The following SYN3 variants were observed in gnomAD, a reference collection of about 807,000 sequenced individuals.
The protein encoded by SYN3 is synapsin-3.
In SYN3, 35 loss-of-function variants were observed where a neutral mutation model predicts 65.8. The observed-to-expected ratio is 0.53, with a 90% CI of 0.41 to 0.70. The LOEUF is 0.70. SYN3 is among the 30% of genes least tolerant of loss of function. The pLI is 0.00. For missense variants in SYN3, 680 were observed against 749.0 expected, an observed-to-expected ratio of 0.91 and a Z score of 1.08; for synonymous variants, 270 against 292.9, an observed-to-expected ratio of 0.92 and a Z score of 0.80.
At chr22:32,723,941 G>A (rs1467756609) in intron 6 of SYN3, among the ~76,000 whole-genome samples, 6 of 152,314 alleles carry the variant, frequency 3.9e-5, no homozygotes, top group African/African-American at 1.2e-4. Flanking sequence ...CAAATGCCAC[G>A]TCTTGTGGGC....
At chr22:32,705,441 T>C (rs1467215474) in intron 6 of SYN3, among the ~76,000 whole-genome samples, 1 of 151,300 alleles carries the variant, frequency 6.6e-6, no homozygotes, top group African/African-American at 2.4e-5. Flanking sequence ...AGTACCATGC[T>C]GTTTTGGCTA....
rs1230612078 is a variant in SYN3, at chr22:33,050,490, A to C, written c.-163+7802T>G. Among the ~76,000 whole-genome samples the C allele has an allele frequency of 9.4e-4, 142 of 151,650 alleles. 1 individual carries two copies. The highest frequency in any genetic ancestry group is 4.4e-4 in the Non-Finnish European group (30 of 67,912). Reference sequence around the variant, plus strand: ...GAGCGAGACTGTTTCAAAAAAAAAAAAAAAAAAAACAAAACAAAGCAAAAC... The same window carrying C: ...GAGCGAGACTGTTTCAAAAAAAAAACAAAAAAAAACAAAACAAAGCAAAAC... On this transcript the variant is annotated intron_variant, in intron 1 of 13. Transcript: ENST00000358763.
rs1601676878 is a variant in SYN3, at chr22:32,911,047, TCACA to T, written c.461+20339_461+20342del. On this transcript the variant is annotated intron_variant, in intron 4 of 13. Coordinates refer to ENST00000358763, the MANE Select transcript of SYN3 (RefSeq NM_003490.4). ...ACTGCTTTGCTCTTGACCCAAGAAG[TCACA>T]CACAGACATAGGGTCATAGCAATTT... 2.0e-5 allele frequency among the ~76,000 whole-genome samples: 3 copies of T among 152,290 alleles called. 1 individual carries two copies.
chr22:32,689,135 A>G (rs1421381046), intron 6 of SYN3, among the ~76,000 whole-genome samples: 1 of 152,190 alleles, frequency 6.6e-6, no homozygotes, highest in Non-Finnish European at 1.5e-5. Flanking sequence ...TACATTGAAG[A>G]CTACAGTGAT....
chr22:32,738,593 C>T (rs2061362895), intron 6 of SYN3, among the ~76,000 whole-genome samples: 2 of 152,192 alleles, frequency 1.3e-5, no homozygotes, highest in Admixed American at 6.5e-5. Context: ...ACATCCTGGG[C>T]TCCCACTTGA....
At chr22:32,514,696 A>G (rs895660793) in intron 13 of SYN3, 2 of 152,270 alleles carry the variant, frequency 1.3e-5, no homozygotes, top group Admixed American at 1.3e-4. Flanking sequence ...AGAGCTCTGC[A>G]TGTGATGCTG....
intron 6 of SYN3, among the ~76,000 whole-genome samples, chr22:32,655,870 G>C (rs2060135513): frequency 1.3e-5 from 2 of 152,172 alleles, no homozygotes; most frequent in South Asian, 4.1e-4. Context: ...TCCCTGGTCA[G>C]TGGAAAAATT....
At chr22:32,615,518 C>T (rs1043234262) in intron 6 of SYN3, among the ~76,000 whole-genome samples, 12 of 151,212 alleles carry the variant, frequency 7.9e-5, no homozygotes, top group Admixed American at 1.3e-4. Flanking sequence ...GGCACAGGGT[C>T]GCAGTAAGTG....
intron 3 of SYN3, among the ~76,000 whole-genome samples, chr22:32,954,494 G>A (rs539464819): frequency 5.3e-5 from 8 of 152,304 alleles, no homozygotes; most frequent in Non-Finnish European, 8.8e-5. Flanking sequence ...TGACATTTAC[G>A]TCCCATTGCT....
chr22:32,805,300 G>C (rs62232904), intron 6 of SYN3, among the ~76,000 whole-genome samples: 22,348 of 152,086 alleles, frequency 0.15, 1,978 homozygotes, highest in African/African-American at 0.26. Context: ...TTCTGACAGG[G>C]GCCAGTGCCA....
chr22:32,833,053 T>C (rs1351665722), intron 6 of SYN3, among the ~76,000 whole-genome samples: 2 of 152,180 alleles, frequency 1.3e-5, no homozygotes, highest in Non-Finnish European at 2.9e-5. Context: ...TCTTAACACA[T>C]TTTTTAACAC....
intron 6 of SYN3, among the ~76,000 whole-genome samples, chr22:32,705,991 T>TCA (rs2060875647): frequency 1.3e-5 from 2 of 152,360 alleles, no homozygotes; most frequent in East Asian, 3.9e-4. Flanking sequence ...AGGTATAGAA[T>TCA]CACATCAATG....
rs1464796804 is a variant in SYN3 at position 32,980,710 on chromosome 22, G to C, written c.312-8C>G. ...CCATGGAAATACTTCGACCTGTAAA[G>C]GGGAAGAAATCAGCTGAGTAAGGAT... On this transcript the variant is annotated splice_polypyrimidine_tract_variant and splice_region_variant and intron_variant, in intron 2 of 13. Coordinates refer to ENST00000358763, the MANE Select transcript of SYN3 (RefSeq NM_003490.4). The C allele has an allele frequency of 1.2e-6, 2 of 1,613,566 alleles. No homozygotes were observed.
intron 1 of SYN3, among the ~76,000 whole-genome samples, chr22:33,046,446 G>A (rs2145955873): frequency 6.6e-6 from 1 of 152,298 alleles, no homozygotes; most frequent in Middle Eastern, 3.4e-3. Flanking sequence ...CTGGCTGTGT[G>A]CAGTGGCTCA....
chr22:32,862,229 T>C (rs1366780271), intron 6 of SYN3: 2 of 152,224 alleles, frequency 1.3e-5, no homozygotes, highest in Non-Finnish European at 2.9e-5. Context: ...TCCAGGGCCA[T>C]GGGAGATACA....
At position 32,786,961 on chromosome 22, in the gene SYN3, G is replaced by A. The variant is rs542790922; in HGVS notation, c.711+77954C>T. On this transcript the variant is annotated intron_variant, in intron 6 of 13. Coordinates refer to ENST00000358763, the MANE Select transcript of SYN3 (RefSeq NM_003490.4). ...TCATCAGGGAGGCAGTGTTCAACACGGATAGGACCAGTGATGATACTCTGT... is the reference window on the plus strand; with the variant it reads ...TCATCAGGGAGGCAGTGTTCAACACAGATAGGACCAGTGATGATACTCTGT... Among the ~76,000 whole-genome samples the A allele has an allele frequency of 5.9e-5, 9 of 152,134 alleles. No individual in the cohort carries two copies. The South Asian group carries it at 6.2e-4, about 11-fold the overall frequency.
chr22:32,663,201 T>A (rs1215640830), intron 6 of SYN3, among the ~76,000 whole-genome samples: 4 of 152,192 alleles, frequency 2.6e-5, no homozygotes, highest in Admixed American at 2.6e-4. Flanking sequence ...TTTCTCTTGC[T>A]GCCGCCATGT....
intron 6 of SYN3, among the ~76,000 whole-genome samples, chr22:32,790,029 C>G (rs1569226485): frequency 6.6e-6 from 1 of 152,204 alleles, no homozygotes; most frequent in Non-Finnish European, 1.5e-5. Flanking sequence ...CTATTGTTGT[C>G]CCTGTATCAC....
At chr22:32,631,889 C>T (rs1298936462) in intron 6 of SYN3, among the ~76,000 whole-genome samples, 1 of 152,186 alleles carries the variant, frequency 6.6e-6, no homozygotes, top group Non-Finnish European at 1.5e-5. Context: ...CTGCATTGCC[C>T]AAGCCAGAGC....
Sources: gnomAD v4.1 joint callset for allele counts (sites outside exome capture counted in the v4.1 genomes callset) on GRCh38, gnomAD v4.1.1 for gene constraint, MANE v1.5 for transcripts, NCBI Gene and HGNC (gene_info 2026-07-23, HGNC 2026-07-21) for gene names.